The following STX8 variants were observed in gnomAD, a reference collection of about 807,000 sequenced individuals.
STX8 encodes syntaxin 8.
In STX8, 23 loss-of-function variants were observed where a neutral mutation model predicts 37.5. That is an observed-to-expected ratio of 0.61 (90% CI 0.44 to 0.87). STX8 has a LOEUF of 0.87. STX8 is among the 40% of genes least tolerant of loss of function. The probability of loss-of-function intolerance (pLI) is 0.00; values close to 1 mark genes in which losing one functional copy is unlikely to be tolerated. For synonymous variants in STX8, 115 were observed against 99.1 expected (o/e 1.16, Z -0.95); for missense variants, 313 against 284.7 (o/e 1.10, Z -0.71).
chr17:9,428,522 A>G lies in STX8; in HGVS notation c.542-49869T>C, dbSNP rs144792916. ...CCCAAAGTGCTGGGATTACAGGCGT[A>G]AGCCACCCCGTCCGGCAAAGAAATG... is the stretch of plus-strand genomic sequence containing the variant. On this transcript the variant is annotated intron_variant, in intron 6 of 7. Coordinates refer to ENST00000306357, the MANE Select transcript of STX8 (RefSeq NM_004853.3). Among the ~76,000 whole-genome samples, 462 of 152,242 alleles carry G rather than the reference A, an allele frequency of 3.0e-3. 2 individuals carry two copies. The highest frequency in any genetic ancestry group is 6.9e-3 in the African/African-American group (288 of 41,566).
chr17:9,354,179 T>C (rs1362197456), intron 7 of STX8, among the ~76,000 whole-genome samples: 1 of 152,230 alleles, frequency 6.6e-6, no homozygotes, highest in Non-Finnish European at 1.5e-5. Context: ...TACCCTATAG[T>C]TGAATCATAT....
At chr17:9,484,125 C>T (rs1906471572) in intron 6 of STX8, among the ~76,000 whole-genome samples, 1 of 152,156 alleles carries the variant, frequency 6.6e-6, no homozygotes, top group African/African-American at 2.4e-5. Context: ...TGTAAAATAA[C>T]AGTTTCTGAA....
intron 7 of STX8, among the ~76,000 whole-genome samples, chr17:9,369,505 C>A (rs142554490): frequency 1.3e-5 from 2 of 152,218 alleles, no homozygotes; most frequent in East Asian, 3.9e-4. Flanking sequence ...CTCTGAGAGA[C>A]AAAAGTAGCT....
intron 5 of STX8, among the ~76,000 whole-genome samples, chr17:9,494,031 T>G (rs1906977467): frequency 6.6e-6 from 1 of 151,770 alleles, no homozygotes; most frequent in South Asian, 2.1e-4. Context: ...TGTTGTTGTT[T>G]TTGAGATGGA....
At chr17:9,373,401 T>C (rs1238691158) in intron 7 of STX8, among the ~76,000 whole-genome samples, 1 of 152,174 alleles carries the variant, frequency 6.6e-6, no homozygotes, top group Non-Finnish European at 1.5e-5. Context: ...ATGTGATATA[T>C]ACATAAAATG....
intron 7 of STX8, among the ~76,000 whole-genome samples, chr17:9,302,538 GC>G (rs1485028647): frequency 2.0e-5 from 3 of 152,036 alleles, no homozygotes; most frequent in African/African-American, 2.4e-5. Context: ...TGCTTAAATA[GC>G]CACCCTGCTC....
At chr17:9,476,539 A>G (rs1318900218) in intron 6 of STX8, among the ~76,000 whole-genome samples, 1 of 149,188 alleles carries the variant, frequency 6.7e-6, no homozygotes, top group Non-Finnish European at 1.5e-5. Context: ...TGCAACCTCC[A>G]CCTCCCGGGT....
chr17:9,331,268 A>G (rs2142217883), intron 7 of STX8, among the ~76,000 whole-genome samples: 1 of 152,316 alleles, frequency 6.6e-6, no homozygotes, highest in South Asian at 2.1e-4. Flanking sequence ...TTAAAAAATT[A>G]ATTATTAGCT....
intron 2 of STX8, among the ~76,000 whole-genome samples, chr17:9,564,293 G>A (rs1219751745): frequency 1.4e-5 from 2 of 148,014 alleles, no homozygotes; most frequent in African/African-American, 5.0e-5. Flanking sequence ...AGGTGAGAAA[G>A]GAAAGGAAAA....
intron 6 of STX8, among the ~76,000 whole-genome samples, chr17:9,418,921 T>C (rs11657744): frequency 2.1e-5 from 3 of 143,094 alleles, no homozygotes; most frequent in Non-Finnish European, 3.0e-5. Flanking sequence ...TCTTTTTTTT[T>C]CTTTTTTTTT....
At chr17:9,389,945 A>G (rs1391166088) in intron 6 of STX8, among the ~76,000 whole-genome samples, 1 of 152,198 alleles carries the variant, frequency 6.6e-6, no homozygotes, top group Non-Finnish European at 1.5e-5. Context: ...CAGGGACACA[A>G]GGAAAAACCA....
chr17:9,449,247 A>G (rs1349176177), intron 6 of STX8, among the ~76,000 whole-genome samples: 1 of 152,318 alleles, frequency 6.6e-6, no homozygotes, highest in South Asian at 2.1e-4. Context: ...AAACAACTCA[A>G]TGTCCTTCCA....
intron 6 of STX8, among the ~76,000 whole-genome samples, chr17:9,403,180 G>A (rs965655825): frequency 6.6e-6 from 1 of 152,158 alleles, no homozygotes; most frequent in South Asian, 2.1e-4. Flanking sequence ...AGACGAAACT[G>A]ACAGGCTACC....
Position 9,288,542 on chromosome 17 carries a change from G to A in STX8, c.644-37897C>T, listed in dbSNP as rs191409299. On this transcript the variant is annotated intron_variant, in intron 7 of 7. Coordinates refer to ENST00000306357, the MANE Select transcript of STX8 (RefSeq NM_004853.3). ...CCGGGCGTGGTGGCAGGCGCCTGTA[G>A]TCCCAGCTACTCGGGAGGCTGAGGC... 3.0e-3 allele frequency among the ~76,000 whole-genome samples: 463 copies of A among 152,090 alleles called. 2 individuals carry two copies. The highest frequency in any genetic ancestry group is 0.011 in the African/African-American group (440 of 41,518).
intron 5 of STX8, among the ~76,000 whole-genome samples, chr17:9,497,179 G>T (rs973399926): frequency 2.6e-5 from 4 of 152,004 alleles, no homozygotes; most frequent in African/African-American, 9.7e-5. Flanking sequence ...AGGAAGAGTT[G>T]GAAAAAGAAC....
intron 6 of STX8, among the ~76,000 whole-genome samples, chr17:9,383,284 G>A (rs1326470153): frequency 1.3e-5 from 2 of 152,158 alleles, no homozygotes; most frequent in African/African-American, 2.4e-5. Context: ...TGCTACTAAA[G>A]CACGACTTAT....
At chr17:9,261,298 G>A (rs1186649927) in intron 7 of STX8, among the ~76,000 whole-genome samples, 1 of 152,208 alleles carries the variant, frequency 6.6e-6, no homozygotes, top group African/African-American at 2.4e-5. Context: ...TGGTGAGGCT[G>A]TCCCAGTGCT....
chr17:9,431,355 C>T (rs576180501), intron 6 of STX8, among the ~76,000 whole-genome samples: 2 of 151,480 alleles, frequency 1.3e-5, no homozygotes, highest in African/African-American at 2.4e-5. Flanking sequence ...AGGTGTGAGC[C>T]ACTGCGCCTG....
At chr17:9,463,908 CAAAA>C (rs11369850) in intron 6 of STX8, among the ~76,000 whole-genome samples, 1 of 135,302 alleles carries the variant, frequency 7.4e-6, no homozygotes. Context: ...AACTCCATCT[CAAAA>C]AAAAAAAAAA....
Sources: allele counts gnomAD v4.1 joint callset (sites outside exome capture counted in the v4.1 genomes callset), GRCh38; gene constraint gnomAD v4.1.1; transcripts MANE v1.5; gene names NCBI Gene and HGNC (gene_info 2026-07-23, HGNC 2026-07-21).